Variants in ZBTB20 observed in about 807,000 individuals in gnomAD.
ZBTB20 encodes the protein zinc finger and BTB domain-containing protein 20.
ZBTB20 carries 9 observed loss-of-function variants against 56.9 expected under a neutral mutation model. That is an observed-to-expected ratio of 0.16 (90% CI 0.10 to 0.28). The LOEUF is 0.28. Ranked by LOEUF, ZBTB20 falls within the 10% of genes least tolerant of loss-of-function variation. ZBTB20 has a pLI of 1.00. For missense variants in ZBTB20, 655 were observed against 1,003.0 expected, an observed-to-expected ratio of 0.65 and a Z score of 4.69; for synonymous variants, 417 against 420.7, an observed-to-expected ratio of 0.99 and a Z score of 0.11.
intron 1 of ZBTB20, among the ~76,000 whole-genome samples, chr3:115,072,931 T>G (rs2082461466): frequency 6.6e-6 from 1 of 152,210 alleles, no homozygotes; most frequent in Admixed American, 6.6e-5. Flanking sequence ...TCCTCATTGG[T>G]CAAATGAAAA....
intron 4 of ZBTB20, among the ~76,000 whole-genome samples, chr3:114,881,561 T>A (rs1483808909): frequency 6.6e-6 from 1 of 151,966 alleles, no homozygotes; most frequent in Non-Finnish European, 1.5e-5. Flanking sequence ...TAATCATTGC[T>A]TAAATTAGCA....
chr3:114,637,534 T>A (rs1240601103), intron 6 of ZBTB20, among the ~76,000 whole-genome samples: 1 of 152,134 alleles, frequency 6.6e-6, no homozygotes, highest in Non-Finnish European at 1.5e-5. Context: ...ATGCAGACTA[T>A]GTTAGTGTTT....
chr3:114,800,541 A>T (rs1222562663), intron 5 of ZBTB20, among the ~76,000 whole-genome samples: 1 of 151,820 alleles, frequency 6.6e-6, no homozygotes, highest in African/African-American at 2.4e-5. Context: ...TTCGTAGCAG[A>T]ATGGGGAACA....
intron 5 of ZBTB20, among the ~76,000 whole-genome samples, chr3:114,750,034 C>T (rs1342233723): frequency 6.6e-6 from 1 of 152,130 alleles, no homozygotes; most frequent in Non-Finnish European, 1.5e-5. Flanking sequence ...TTTAGCAATA[C>T]TCTTTAGAGA....
intron 7 of ZBTB20, among the ~76,000 whole-genome samples, chr3:114,477,415 G>A (rs1384086627): frequency 1.3e-5 from 2 of 151,298 alleles, no homozygotes; most frequent in African/African-American, 4.9e-5. Context: ...AGGACACAGG[G>A]TCTGTTTTCA....
chr3:114,348,437 T>C (rs1239227005), intron 11 of ZBTB20, among the ~76,000 whole-genome samples: 1 of 152,244 alleles, frequency 6.6e-6, no homozygotes, highest in African/African-American at 2.4e-5. Context: ...GTGATATCCA[T>C]ACCATATGGA....
intron 4 of ZBTB20, among the ~76,000 whole-genome samples, chr3:114,885,020 T>C (rs2076547773): frequency 6.6e-6 from 1 of 152,200 alleles, no homozygotes; most frequent in Non-Finnish European, 1.5e-5. Flanking sequence ...TTTCAGGAGA[T>C]ATGGTTAAAA....
chr3:114,824,996 C>G (rs991235109), intron 4 of ZBTB20, among the ~76,000 whole-genome samples: 2 of 151,822 alleles, frequency 1.3e-5, no homozygotes, highest in Non-Finnish European at 2.9e-5. Context: ...TCTTTAGGAA[C>G]TCAGATACTT....
intron 1 of ZBTB20, among the ~76,000 whole-genome samples, chr3:115,079,698 G>C (rs145980321): frequency 6.6e-6 from 1 of 152,156 alleles, no homozygotes; most frequent in East Asian, 1.9e-4. Flanking sequence ...CCTGCCCCTA[G>C]AGTCTTAAAT....
chr3:115,099,750 A>T (rs1248145725), intron 1 of ZBTB20, among the ~76,000 whole-genome samples: 1 of 152,202 alleles, frequency 6.6e-6, no homozygotes, highest in African/African-American at 2.4e-5. Context: ...CTCATTGGCA[A>T]ATAACTAACA....
intron 6 of ZBTB20, among the ~76,000 whole-genome samples, chr3:114,653,568 T>G (rs938475931): frequency 2.2e-4 from 33 of 152,128 alleles, no homozygotes; most frequent in African/African-American, 7.5e-4. Context: ...ATGAGGAATA[T>G]TGGCCTATAC....
chr3:115,017,576 A>G (rs2080024193), intron 2 of ZBTB20, among the ~76,000 whole-genome samples: 1 of 151,384 alleles, frequency 6.6e-6, no homozygotes, highest in Non-Finnish European at 1.5e-5. Flanking sequence ...AGATAGATCA[A>G]AAAAAATGCT....
chr3:114,953,562 T>C (rs996159805), intron 3 of ZBTB20, among the ~76,000 whole-genome samples: 1 of 152,024 alleles, frequency 6.6e-6, no homozygotes, highest in Non-Finnish European at 1.5e-5. Context: ...GGAATGGCTA[T>C]ATTAATATTG....
At chr3:114,480,257 T>G (rs1266960115) in intron 7 of ZBTB20, among the ~76,000 whole-genome samples, 1 of 152,204 alleles carries the variant, frequency 6.6e-6, no homozygotes, top group African/African-American at 2.4e-5. Flanking sequence ...GTTTAAGTTT[T>G]CCCAGCAAGG....
chr3:114,936,556 A>G (rs957530971), intron 3 of ZBTB20, among the ~76,000 whole-genome samples: 3 of 152,228 alleles, frequency 2.0e-5, no homozygotes, highest in Non-Finnish European at 2.9e-5. Flanking sequence ...AATTATAACT[A>G]TTAATTATAA....
chr3:114,543,268 G>T (rs201117646), intron 6 of ZBTB20, among the ~76,000 whole-genome samples: 2 of 142,974 alleles, frequency 1.4e-5, no homozygotes, highest in African/African-American at 5.8e-5. Context: ...ATTTTTTATT[G>T]TTTTTTTTCC....
intron 6 of ZBTB20, among the ~76,000 whole-genome samples, chr3:114,502,600 T>C (rs942946947): frequency 6.6e-5 from 10 of 152,220 alleles, no homozygotes; most frequent in African/African-American, 2.4e-4. Flanking sequence ...GTATGATTCA[T>C]TGAAAGCACA....
At position 114,987,421 on chromosome 3, in the gene ZBTB20, C is replaced by T. The variant is rs116311512; in HGVS notation, c.-506-13005G>A. ...ATCTGAAAAATTACATTTTCAAAAG[C>T]TCCACAAAGTAACTGATTCATTAAA... On this transcript the variant is annotated intron_variant, in intron 2 of 11. Transcript: ENST00000675478. Among the ~76,000 whole-genome samples, 930 of 152,186 alleles carry T rather than the reference C, an allele frequency of 6.1e-3. 6 individuals are homozygous for T. The highest frequency in any genetic ancestry group is 0.028 in the South Asian group (134 of 4,822).
chr3:114,678,876 G>T (rs980142253), intron 6 of ZBTB20, among the ~76,000 whole-genome samples: 1 of 152,148 alleles, frequency 6.6e-6, no homozygotes, highest in African/African-American at 2.4e-5. Flanking sequence ...AATGTGATCT[G>T]AAAAGTAGTA....
Sources: gnomAD v4.1 joint callset for allele counts (sites outside exome capture counted in the v4.1 genomes callset) on GRCh38, gnomAD v4.1.1 for gene constraint, MANE v1.5 for transcripts, NCBI Gene and HGNC (gene_info 2026-07-23, HGNC 2026-07-21) for gene names.